ABCA4: variants seen among roughly 807,000 people sequenced by gnomAD.
ABCA4 encodes the protein retinal-specific phospholipid-transporting ATPase ABCA4.
Under a neutral mutation model 263.7 loss-of-function variants are expected in ABCA4, and 196 were observed. The observed-to-expected ratio is 0.74, with a 90% CI of 0.66 to 0.84. The LOEUF (loss-of-function observed/expected upper bound fraction) is 0.84, where lower values mean the gene tolerates loss of function less well. Among genes scored for constraint, ABCA4 ranks in the 40% least tolerant of loss-of-function variants. The pLI, the probability that ABCA4 is intolerant of heterozygous loss-of-function variation, is 0.00. For missense variants in ABCA4, 2,792 were observed against 2,855.1 expected (o/e 0.98, Z 0.50); for synonymous variants, 1,133 against 1,094.2 (o/e 1.04, Z -0.70).
chr1:94,007,770 C>T (rs533467925), intron 42 of ABCA4, 30 bp from the exon 43 acceptor site: 1 of 1,591,940 alleles, frequency 6.3e-7, no homozygotes, highest in African/African-American at 1.3e-5. Flanking sequence ...TAGCCTGGCC[C>T]TAGAGATCAA....
At chr1:94,056,883 G>T (rs1660998857) in intron 14 of ABCA4, 61 bp from the exon 15 acceptor site, 2 of 1,336,030 alleles carry the variant, frequency 1.5e-6, no homozygotes, top group East Asian at 2.5e-5. Flanking sequence ...TTCTCATTCT[G>T]CCCTAAAGGG....
chr1:94,032,064 A>T, intron 26 of ABCA4, 21 bp from the exon 27 acceptor site: 1 of 1,604,792 alleles, frequency 6.2e-7, no homozygotes, highest in Non-Finnish European at 8.5e-7. Context: ...AGATTGAATT[A>T]ATAATTTGGA....
At chr1:94,057,351 G>T (rs558388233) in intron 14 of ABCA4, among the ~76,000 whole-genome samples, 1 of 152,242 alleles carries the variant, frequency 6.6e-6, no homozygotes, top group African/African-American at 2.4e-5. Flanking sequence ...GCAAATCCTC[G>T]GTGAGAAGAG....
rs1659351261 is a variant in ABCA4, at chr1:94,005,441, CT to C, written c.6146del (p.Lys2049ArgfsTer12). 6.2e-7 allele frequency: 1 copy of C among 1,614,086 alleles called. No individual in the cohort carries two copies. The highest frequency in any genetic ancestry group is 8.5e-7 in the Non-Finnish European group (1 of 1,180,006). On this transcript the variant is annotated frameshift_variant and splice_region_variant, in exon 44 of 50. Coordinates refer to ENST00000370225, the MANE Select transcript of ABCA4 (RefSeq NM_000350.3). LOFTEE classifies it high-confidence loss of function. The part of the protein sequence containing the change: ...LRGVPAEEIE[K>X]VANWSIKSLG... The stretch of plus-strand genomic sequence containing the variant: ...GTGGCCACAACAAAACATTTTTCAC[CT>C]TTTCGATTTCTTCTGCTGGTACACC...
At position 94,000,155 on chromosome 1, in the gene ABCA4, TTAA is replaced by T. The variant is rs1156934480; in HGVS notation, c.6479+678_6479+680del. On this transcript the variant is annotated intron_variant, in intron 47 of 49. Transcript: ENST00000370225. ...GCTTAGTGACTTATATTCTGAGCTC[TTAA>T]TAAGTGTTTGTTAAATAAATGAGTA... Among the ~76,000 whole-genome samples the T allele has an allele frequency of 5.3e-5, 8 of 152,360 alleles. No individual in the cohort carries two copies. In the East Asian group the frequency reaches 7.7e-4, roughly 15 times the overall value.
intron 4 of ABCA4, among the ~76,000 whole-genome samples, chr1:94,106,126 C>A (rs1662427187): frequency 6.6e-6 from 1 of 152,226 alleles, no homozygotes; most frequent in African/African-American, 2.4e-5. Flanking sequence ...AGGGATCTTG[C>A]AGAGCCCCCA....
chr1:94,046,455 C>CAAA (rs61333901), intron 19 of ABCA4, among the ~76,000 whole-genome samples: 515 of 42,226 alleles, frequency 0.012, 28 homozygotes, highest in Admixed American at 0.04. Flanking sequence ...GTTACTATCT[C>CAAA]AAAAAAAAAA....
chr1:94,023,241 A>G, intron 32 of ABCA4, 145 bp downstream of exon 32: 1 of 694,176 alleles, frequency 1.4e-6, no homozygotes, highest in South Asian at 1.7e-5. Context: ...CTAGCCACAT[A>G]TTCTTCAGGA....
At chr1:94,104,570 C>T (rs1662371757) in intron 4 of ABCA4, among the ~76,000 whole-genome samples, 1 of 152,158 alleles carries the variant, frequency 6.6e-6, no homozygotes, top group African/African-American at 2.4e-5. Flanking sequence ...GGGTCTTGCG[C>T]CAACCCCACA....
chr1:94,021,822 C>CA, intron 33 of ABCA4, 24 bp downstream of exon 33: 2 of 1,613,256 alleles, frequency 1.2e-6, no homozygotes, highest in Non-Finnish European at 1.7e-6. Context: ...AAATCCTACT[C>CA]AAATCTCCAG....
rs981447805 is a variant in ABCA4, at chr1:94,031,881, G to A, written c.4025C>T (p.Pro1342Leu). The A allele has an allele frequency of 7.4e-6, 12 of 1,614,062 alleles. No homozygotes were observed. The African/African-American group carries it at 9.3e-5, about 13-fold the overall frequency. ...CAGCTGTGTCCCCGTGTTGAGCTGCGGGCCTGGGCACTCTGGCTCTGGGGG... is the reference window on the plus strand; with the variant it reads ...CAGCTGTGTCCCCGTGTTGAGCTGCAGGCCTGGGCACTCTGGCTCTGGGGG... ...QPPPEPECPG[P>L]QLNTGTQLVL... is the part of the protein sequence containing the mutation. Residue 1342 changes from proline (P) to leucine (L), a missense_variant, in exon 27 of 50, where the codon CCG becomes CTG. Pro to Leu is a moderately conservative substitution (Grantham distance 98, BLOSUM62 -3). Transcript: ENST00000370225.
intron 20 of ABCA4, 122 bp from the exon 21 acceptor site, chr1:94,043,597 G>A: frequency 7.4e-7 from 1 of 1,359,566 alleles, no homozygotes; most frequent in Non-Finnish European, 1.0e-6. Context: ...CACTGTGGTG[G>A]TGTTTATGAT....
At chr1:94,101,571 G>A (rs1338413377) in intron 5 of ABCA4, among the ~76,000 whole-genome samples, 3 of 152,176 alleles carry the variant, frequency 2.0e-5, no homozygotes, top group African/African-American at 7.2e-5. Context: ...CAGGTGGGGT[G>A]GGGTCCCTCA....
At chr1:94,081,922 C>A (rs951669069) in intron 7 of ABCA4, among the ~76,000 whole-genome samples, 3 of 152,204 alleles carry the variant, frequency 2.0e-5, no homozygotes, top group Admixed American at 2.0e-4. Flanking sequence ...CTAAAACACA[C>A]CTGATTACTT....
At chr1:94,052,834 AAGG>A (rs1660874835) in intron 16 of ABCA4, among the ~76,000 whole-genome samples, 1 of 152,180 alleles carries the variant, frequency 6.6e-6, no homozygotes, top group Non-Finnish European at 1.5e-5. Context: ...TCCTGGCAGA[AAGG>A]AGTGTCTTTT....
rs768118386 is a variant in ABCA4 at position 94,014,550 on chromosome 1, T to C, written c.5453A>G (p.Asn1818Ser). The change falls in exon 38 of 50, where the codon AAT becomes AGT. Residue 1818 changes from asparagine to serine, a missense_variant. By Grantham distance (46) the Asn-to-Ser change is conservative (BLOSUM62 1). Transcript: ENST00000370225. ...AITFILELFE[N>S]NRTLLRFNAV... ...CAAGAAAGTTATGCTCACCCGGTTA[T>C]TCTCAAATAATTCCAAGATGAAGGT... The C allele has an allele frequency of 9.9e-6, 16 of 1,614,100 alleles. 1 individual carries two copies. The highest frequency in any genetic ancestry group is 7.7e-5 in the South Asian group (7 of 91,094).
chr1:93,998,053 A>C lies in ABCA4; in HGVS notation c.6537T>G (p.Leu2179=). 4 of 1,614,222 alleles carry C rather than the reference A, an allele frequency of 2.5e-6. No individual in the cohort carries two copies. The highest frequency in any genetic ancestry group is 3.4e-6 in the Non-Finnish European group (4 of 1,180,038). The part of the protein sequence containing the change: ...MKIKSPKDDL[L]PDLNPVEQFF... ...ACTGCTCCACAGGGTTCAGGTCAGG[A>C]AGCAGGTCGTCCTTCGGGGATTTGA... is the stretch of plus-strand genomic sequence containing the variant. The change falls in exon 48 of 50, where the codon CTT becomes CTG. Residue 2179 remains leucine (L), a synonymous_variant. Coordinates refer to ENST00000370225, the MANE Select transcript of ABCA4 (RefSeq NM_000350.3).
intron 1 of ABCA4, among the ~76,000 whole-genome samples, chr1:94,116,951 CCCT>C (rs1414053065): frequency 7.3e-6 from 1 of 136,064 alleles, no homozygotes; most frequent in Non-Finnish European, 1.6e-5. Flanking sequence ...TTCCCTCCCT[CCCT>C]CCTTTCTTTC....
intron 16 of ABCA4, 110 bp from the exon 17 acceptor site, chr1:94,051,808 A>G (rs747588442): frequency 2.5e-5 from 21 of 832,002 alleles, no homozygotes; most frequent in Admixed American, 1.2e-4. Context: ...AATTGTAACT[A>G]TAGATATTTG....
Sources: allele counts gnomAD v4.1 joint callset (sites outside exome capture counted in the v4.1 genomes callset), GRCh38; gene constraint gnomAD v4.1.1; transcripts MANE v1.5; gene names NCBI Gene and HGNC (gene_info 2026-07-23, HGNC 2026-07-21).